Variants in SPEF2 observed in about 807,000 individuals in gnomAD.
SPEF2 encodes sperm flagellar and cilia associated 2.
SPEF2 carries 187 observed loss-of-function variants against 224.6 expected under a neutral mutation model. The ratio of observed to expected loss-of-function variants is 0.83; its 90% CI spans 0.74 to 0.94. The LOEUF (loss-of-function observed/expected upper bound fraction) is 0.94, where lower values mean the gene tolerates loss of function less well. SPEF2 is among the 40% of genes least tolerant of loss of function. The pLI is 0.00. For missense variants in SPEF2, 2,170 were observed against 2,135.6 expected (o/e 1.02, Z -0.32); for synonymous variants, 715 against 707.3 (o/e 1.01, Z -0.17).
At chr5:35,687,247 A>G (rs16902418) in intron 10 of SPEF2, among the ~76,000 whole-genome samples, 52,041 of 151,938 alleles carry the variant, frequency 0.34, 9,512 homozygotes, top group South Asian at 0.45. Flanking sequence ...TGAAATATAA[A>G]CCTTATTACA....
chr5:35,744,261 T>C (rs141801616), intron 23 of SPEF2, among the ~76,000 whole-genome samples: 1 of 152,220 alleles, frequency 6.6e-6, no homozygotes, highest in South Asian at 2.1e-4. Flanking sequence ...TGCATGATCT[T>C]CTCAATTAAT....
intron 29 of SPEF2, among the ~76,000 whole-genome samples, chr5:35,777,634 C>T (rs1298216697): frequency 1.3e-5 from 2 of 150,638 alleles, no homozygotes; most frequent in African/African-American, 2.4e-5. Flanking sequence ...GAACTGTGGC[C>T]ACAAGAAGTT....
chr5:35,704,911 G>T (rs1331855893), intron 17 of SPEF2, among the ~76,000 whole-genome samples: 1 of 152,016 alleles, frequency 6.6e-6, no homozygotes, highest in Non-Finnish European at 1.5e-5. Context: ...ACGGTTACAT[G>T]CACTTATAAG....
intron 25 of SPEF2, 105 bp downstream of exon 25, chr5:35,759,824 T>C (rs2149746966): frequency 3.4e-6 from 4 of 1,178,118 alleles, no homozygotes; most frequent in Non-Finnish European, 4.6e-6. Context: ...TCTGCAAATC[T>C]AAGATCCAAA....
chr5:35,782,058 T>A lies in SPEF2; in HGVS notation c.4447+2712T>A, dbSNP rs551796476. On this transcript the variant is annotated intron_variant, in intron 30 of 36. Transcript: ENST00000356031. ...TCTTCTGGCCCCACAAAGTATACTC[T>A]GGCTTTTTTGTTTTTCTACCCCGGT... 3.9e-5 allele frequency among the ~76,000 whole-genome samples: 6 copies of A among 152,286 alleles called. No individual in the cohort carries two copies. In the South Asian group the frequency reaches 1.0e-3, roughly 26 times the overall value.
At chr5:35,795,867 T>G (rs928874401) in intron 33 of SPEF2, 72 bp downstream of exon 33, 88 of 1,362,672 alleles carry the variant, frequency 6.5e-5, no homozygotes, top group Non-Finnish European at 9.0e-5. Flanking sequence ...CTTCCACTTA[T>G]GTAACTTGGC....
chr5:35,787,555 ACT>A (rs1755334445), intron 30 of SPEF2, among the ~76,000 whole-genome samples: 1 of 151,946 alleles, frequency 6.6e-6, no homozygotes, highest in Non-Finnish European at 1.5e-5. Context: ...TACTGGTGTA[ACT>A]CCGCTCCACC....
intron 16 of SPEF2, among the ~76,000 whole-genome samples, chr5:35,701,751 T>C (rs1738687502): frequency 6.6e-6 from 1 of 152,120 alleles, no homozygotes; most frequent in African/African-American, 2.4e-5. Context: ...AAAAAGATGA[T>C]TTGAAATACT....
chr5:35,655,121 C>G (rs560803194), intron 7 of SPEF2, among the ~76,000 whole-genome samples: 1 of 152,206 alleles, frequency 6.6e-6, no homozygotes, highest in Non-Finnish European at 1.5e-5. Context: ...TGTTCATCCT[C>G]TCCTTTTGTT....
chr5:35,670,156 C>A lies in SPEF2; in HGVS notation c.1453C>A (p.Pro485Thr). The A allele has an allele frequency of 6.2e-7, 1 of 1,612,226 alleles. No homozygotes were observed. Among genetic ancestry groups the A allele is most frequent in the Non-Finnish European group, 8.5e-7 (1 of 1,178,900 alleles). ...CTCTGTTAAGACACTACCTGCTAAC[C>A]CCTCAAGAGAACAACTTACAGAACT... is the stretch of plus-strand genomic sequence containing the variant. ...QASVKTLPAN[P>T]SREQLTELEK... Residue 485 changes from proline (P) to threonine (T), a missense_variant, in exon 10 of 37, where the codon CCC becomes ACC. Transcript: ENST00000356031.
chr5:35,692,177 G>A (rs1226248123), intron 11 of SPEF2, among the ~76,000 whole-genome samples: 4 of 152,068 alleles, frequency 2.6e-5, no homozygotes, highest in South Asian at 2.1e-4. Context: ...TTGGAAGGCC[G>A]AGACGGGTGG....
At chr5:35,770,941 C>A (rs1752748956) in intron 26 of SPEF2, among the ~76,000 whole-genome samples, 1 of 152,072 alleles carries the variant, frequency 6.6e-6, no homozygotes, top group Non-Finnish European at 1.5e-5. Context: ...GTCAACCTCA[C>A]AAATACTCAG....
At chr5:35,683,808 A>G (rs545224961) in intron 10 of SPEF2, among the ~76,000 whole-genome samples, 83 of 152,354 alleles carry the variant, frequency 5.4e-4, no homozygotes, top group Middle Eastern at 3.4e-3. Flanking sequence ...CACCTTCTCA[A>G]AAATACATAC....
chr5:35,720,927 G>A (rs889899827), intron 20 of SPEF2, among the ~76,000 whole-genome samples: 6 of 149,416 alleles, frequency 4.0e-5, no homozygotes, highest in African/African-American at 1.5e-4. Context: ...TAAAGCACTT[G>A]ATATTATTGA....
At chr5:35,710,148 A>G in intron 19 of SPEF2, 1 of 985,244 alleles carries the variant, frequency 1.0e-6, no homozygotes, top group Non-Finnish European at 1.2e-6. Flanking sequence ...CATGTCAACA[A>G]TAAAACACAA....
chr5:35,771,862 T>A, intron 27 of SPEF2, 106 bp downstream of exon 27: 1 of 1,339,826 alleles, frequency 7.5e-7, no homozygotes, highest in Non-Finnish European at 1.0e-6. Flanking sequence ...ACTAAAATAC[T>A]ACTCATTAGG....
rs16902374 is a variant in SPEF2, at chr5:35,646,528, T to A, written c.586-139T>A. 2.0e-3 allele frequency: 1,410 copies of A among 702,162 alleles called. 26 individuals are homozygous for A. In the African/African-American group the frequency reaches 0.023, roughly 11 times the overall value. 43.5% of individuals were successfully genotyped at this position (702,162 alleles called of 1,614,324 possible). A position where few individuals can be genotyped will look rare whatever the true frequency, so the allele number is the denominator to read the frequency against. On this transcript the variant is annotated intron_variant, in intron 4 of 36. Coordinates refer to ENST00000356031, the MANE Select transcript of SPEF2 (RefSeq NM_024867.4). ...CACCTCCTTCTTAATATTACACAGT[T>A]GTGACACCTAGTCTCTTGGCTAATT...
intron 23 of SPEF2, among the ~76,000 whole-genome samples, chr5:35,751,634 T>C (rs1749673345): frequency 6.6e-6 from 1 of 152,096 alleles, no homozygotes; most frequent in African/African-American, 2.4e-5. Context: ...GCAATAAAAA[T>C]GGCTTGTGAT....
chr5:35,789,292 C>G, intron 30 of SPEF2: 1 of 703,178 alleles, frequency 1.4e-6, no homozygotes, highest in South Asian at 1.5e-5. Context: ...TGTCCTGTGT[C>G]AATAAGAATA....
Sources: gnomAD v4.1 joint callset for allele counts (sites outside exome capture counted in the v4.1 genomes callset) on GRCh38, gnomAD v4.1.1 for gene constraint, MANE v1.5 for transcripts, NCBI Gene and HGNC (gene_info 2026-07-23, HGNC 2026-07-21) for gene names.